RBPMS2: variants seen among roughly 807,000 people sequenced by gnomAD.
RBPMS2 encodes the protein RNA binding protein, mRNA processing factor 2, also known as RNA-binding protein with multiple splicing 2.
A neutral mutation model predicts 25.7 loss-of-function variants in RBPMS2; 14 were observed. That is an observed-to-expected ratio of 0.55 (90% confidence interval 0.36 to 0.85). The LOEUF (loss-of-function observed/expected upper bound fraction) is 0.85, where lower values mean the gene tolerates loss of function less well. Ranked by LOEUF, RBPMS2 falls within the 40% of genes least tolerant of loss-of-function variation. The pLI is 0.01. For missense variants in RBPMS2, 252 were observed against 283.4 expected (o/e 0.89, Z 0.80); for synonymous variants, 127 against 115.6 (o/e 1.10, Z -0.63).
At chr15:64,750,919 T>C (rs2083671784) in intron 2 of RBPMS2, among the ~76,000 whole-genome samples, 2 of 151,822 alleles carry the variant, frequency 1.3e-5, no homozygotes, top group Non-Finnish European at 2.9e-5. Flanking sequence ...GTGCCTGTAG[T>C]CCCAGCTACT....
intron 2 of RBPMS2, among the ~76,000 whole-genome samples, chr15:64,751,202 G>A (rs1245572072): frequency 7.9e-5 from 12 of 151,786 alleles, no homozygotes; most frequent in African/African-American, 2.4e-5. Flanking sequence ...GCATAATGGC[G>A]CATGCCTGTA....
chr15:64,760,928 C>T (rs2083778391), intron 1 of RBPMS2, among the ~76,000 whole-genome samples: 1 of 151,972 alleles, frequency 6.6e-6, no homozygotes, highest in Non-Finnish European at 1.5e-5. Context: ...AACAGTCACC[C>T]CTAGAGGCCA....
intron 3 of RBPMS2, 38 bp downstream of exon 3, chr15:64,750,305 C>G (rs764855984): frequency 6.3e-7 from 1 of 1,595,318 alleles, no homozygotes; most frequent in Non-Finnish European, 8.6e-7. Flanking sequence ...AGCAGCCGGT[C>G]TGGGCTGGGA....
intron 6 of RBPMS2, among the ~76,000 whole-genome samples, chr15:64,742,618 C>T (rs188102177): frequency 6.6e-6 from 1 of 152,170 alleles, no homozygotes; most frequent in Non-Finnish European, 1.5e-5. Context: ...TGACCCAGGA[C>T]AGGGAAAGGG....
chr15:64,752,101 A>G (rs1335870983), intron 1 of RBPMS2, among the ~76,000 whole-genome samples: 2 of 151,670 alleles, frequency 1.3e-5, no homozygotes, highest in African/African-American at 4.9e-5. Context: ...AGTAGCTGGG[A>G]TTACTGGGGT....
chr15:64,757,384 G>A (rs892578610), intron 1 of RBPMS2, among the ~76,000 whole-genome samples: 1 of 152,152 alleles, frequency 6.6e-6, no homozygotes, highest in Non-Finnish European at 1.5e-5. Flanking sequence ...TAGGGCTCCT[G>A]CATTTACCTG....
intron 6 of RBPMS2, among the ~76,000 whole-genome samples, chr15:64,743,839 T>C (rs2083587756): frequency 6.6e-6 from 1 of 152,152 alleles, no homozygotes; most frequent in Non-Finnish European, 1.5e-5. Context: ...GTGTGACAGC[T>C]CACGCCTGTA....
chr15:64,768,122 T>G (rs1245614923), intron 1 of RBPMS2, among the ~76,000 whole-genome samples: 1 of 152,232 alleles, frequency 6.6e-6, no homozygotes, highest in Non-Finnish European at 1.5e-5. Flanking sequence ...TTTCTTTAGT[T>G]AAAATGCCCA....
Position 64,775,264 on chromosome 15 carries a change from C to A in RBPMS2, c.56G>T (p.Gly19Val). Residue 19 changes from glycine to valine, a missense_variant, in exon 1 of 8, where the codon GGC becomes GTC. Gly to Val is a moderately radical substitution (Grantham distance 109, BLOSUM62 -3). Transcript: ENST00000300069. ...CTCCAGGGCGCCGCCGGAGCCCGCG[C>A]CGGAGCCGGTGCCGGTGCTGCCGCC... Reference protein sequence around the residue: ...EHGGSTGTGSGAGSGGALEEE... With the variant: ...EHGGSTGTGSVAGSGGALEEE... 7.5e-7 allele frequency: 1 copy of A among 1,341,494 alleles called. No individual in the cohort carries two copies. The highest frequency in any genetic ancestry group is 9.6e-7 in the Non-Finnish European group (1 of 1,040,150). The allele number at this position is 1,341,494 out of a possible 1,614,324, so 83.1% of individuals were successfully genotyped here. A position where few individuals can be genotyped will look rare whatever the true frequency, so the allele number is the denominator to read the frequency against.
intron 4 of RBPMS2, 137 bp downstream of exon 4, chr15:64,749,294 G>T (rs2083651868): frequency 2.3e-6 from 3 of 1,318,710 alleles, no homozygotes; most frequent in Non-Finnish European, 2.2e-6. Context: ...GGCAGCTCAG[G>T]CCTTGAGTAA....
At chr15:64,772,300 GCCC>G (rs1247346108) in intron 1 of RBPMS2, among the ~76,000 whole-genome samples, 1 of 152,142 alleles carries the variant, frequency 6.6e-6, no homozygotes, top group Non-Finnish European at 1.5e-5. Context: ...GATACAGCCT[GCCC>G]CGGACAGGTT....
chr15:64,773,592 G>A (rs2083906875), intron 1 of RBPMS2, among the ~76,000 whole-genome samples: 1 of 152,166 alleles, frequency 6.6e-6, no homozygotes, highest in Admixed American at 6.5e-5. Context: ...GACTTAGAAT[G>A]GCCACATGGG....
At position 64,767,397 on chromosome 15, in the gene RBPMS2, G is replaced by T. The variant is rs553268731; in HGVS notation, c.87+7836C>A. Among the ~76,000 whole-genome samples, 10 of 152,316 alleles carry T rather than the reference G, an allele frequency of 6.6e-5. No individual in the cohort carries two copies. The South Asian group carries it at 8.3e-4, about 13-fold the overall frequency. Reference sequence around the variant, plus strand: ...AAGTGACGTGACACCAGATGTCGCTGCTGCCCATAACCAATGCCAGAGCAG... The same window carrying T: ...AAGTGACGTGACACCAGATGTCGCTTCTGCCCATAACCAATGCCAGAGCAG... On this transcript the variant is annotated intron_variant, in intron 1 of 7. Transcript: ENST00000300069.
At chr15:64,760,727 A>G (rs1334413768) in intron 1 of RBPMS2, among the ~76,000 whole-genome samples, 1 of 151,906 alleles carries the variant, frequency 6.6e-6, no homozygotes, top group Non-Finnish European at 1.5e-5. Context: ...GCTTGAACCC[A>G]GGAGACAGAG....
At chr15:64,741,891 C>T (rs981618289) in intron 6 of RBPMS2, among the ~76,000 whole-genome samples, 8 of 152,138 alleles carry the variant, frequency 5.3e-5, no homozygotes, top group South Asian at 2.1e-4. Flanking sequence ...CAAGGCCGGG[C>T]GCAGCGGCTC....
At chr15:64,774,506 G>C (rs1362073264) in intron 1 of RBPMS2, among the ~76,000 whole-genome samples, 1 of 152,156 alleles carries the variant, frequency 6.6e-6, no homozygotes, top group Non-Finnish European at 1.5e-5. Flanking sequence ...CACATGGCCG[G>C]TGGACGAGAT....
At chr15:64,766,169 TG>T (rs1465076817) in intron 1 of RBPMS2, among the ~76,000 whole-genome samples, 1 of 152,190 alleles carries the variant, frequency 6.6e-6, no homozygotes, top group Non-Finnish European at 1.5e-5. Context: ...CCTTGGAGGT[TG>T]GAGGTGGCCT....
At chr15:64,743,505 G>T (rs2083583772) in intron 6 of RBPMS2, among the ~76,000 whole-genome samples, 1 of 152,262 alleles carries the variant, frequency 6.6e-6, no homozygotes, top group South Asian at 2.1e-4. Flanking sequence ...ATAGGCCAGT[G>T]GCCTGGGTCC....
chr15:64,746,357 C>G (rs1296788834), intron 6 of RBPMS2, among the ~76,000 whole-genome samples: 1 of 152,160 alleles, frequency 6.6e-6, no homozygotes, highest in Non-Finnish European at 1.5e-5. Flanking sequence ...CCAAGGGAAC[C>G]CAGACAATAA....
Sources: gnomAD v4.1 joint callset for allele counts (sites outside exome capture counted in the v4.1 genomes callset) on GRCh38, gnomAD v4.1.1 for gene constraint, MANE v1.5 for transcripts, NCBI Gene and HGNC (gene_info 2026-07-23, HGNC 2026-07-21) for gene names.